PARVG: variants seen among roughly 807,000 people sequenced by gnomAD.
PARVG encodes parvin gamma.
PARVG carries 36 observed loss-of-function variants against 44.4 expected under a neutral mutation model. The ratio of observed to expected loss-of-function variants is 0.81; its 90% CI spans 0.62 to 1.07. The LOEUF (loss-of-function observed/expected upper bound fraction) is 1.07, where lower values mean the gene tolerates loss of function less well. Among genes scored for constraint, PARVG ranks in the 50% least tolerant of loss-of-function variants. The pLI is 0.00. For missense variants in PARVG, 407 were observed against 407.4 expected (o/e 1.00, Z 0.01); for synonymous variants, 170 against 174.1 (o/e 0.98, Z 0.19).
chr22:44,193,751 G>A (rs376999915), intron 8 of PARVG, 50 bp from the exon 9 acceptor site: 38 of 1,603,746 alleles, frequency 2.4e-5, no homozygotes, highest in South Asian at 2.2e-4. Context: ...GTAGGTTTGC[G>A]GGGTGTTTTT....
intron 12 of PARVG, among the ~76,000 whole-genome samples, chr22:44,200,057 G>C (rs1457148053): frequency 6.6e-6 from 1 of 152,160 alleles, no homozygotes; most frequent in Non-Finnish European, 1.5e-5. Flanking sequence ...TCTTCCCCAG[G>C]TACAGCCTTC....
chr22:44,172,983 C>G, exon 1 of PARVG: 2 of 1,289,402 alleles, frequency 1.6e-6, no homozygotes, highest in African/African-American at 1.5e-5. Context: ...TTTAATCTTT[C>G]ATGCATTTAG....
intron 12 of PARVG, among the ~76,000 whole-genome samples, chr22:44,200,423 AAG>A (rs1438426092): frequency 6.6e-6 from 1 of 152,204 alleles, no homozygotes; most frequent in Non-Finnish European, 1.5e-5. Flanking sequence ...GGTAGTAAGA[AAG>A]AGTTTGGAGA....
chr22:44,199,819 G>C (rs956823394), intron 12 of PARVG, among the ~76,000 whole-genome samples: 25 of 152,214 alleles, frequency 1.6e-4, no homozygotes, highest in African/African-American at 6.0e-4. Context: ...GAATGGGTCA[G>C]GGAGGTGTAG....
chr22:44,173,304 C>A, intron 1 of PARVG: 1 of 940,628 alleles, frequency 1.1e-6, no homozygotes, highest in Non-Finnish European at 1.4e-6. Context: ...CCTTACTTTT[C>A]ATGATGTGAC....
At chr22:44,176,448 A>G (rs1321704828), upstream of PARVG, among the ~76,000 whole-genome samples, 2 of 152,178 alleles carry the variant, frequency 1.3e-5, no homozygotes, top group East Asian at 3.8e-4. Context: ...AAATCCATGA[A>G]TGTGCAACCA....
intron 9 of PARVG, 58 bp from the exon 10 acceptor site, chr22:44,196,095 CCT>C (rs1219898965): frequency 1.5e-5 from 24 of 1,598,136 alleles, no homozygotes; most frequent in Non-Finnish European, 2.0e-5. Flanking sequence ...AAAAAAATTC[CCT>C]GTTTGGCACA....
At chr22:44,192,353 G>A (rs974142820) in intron 8 of PARVG, among the ~76,000 whole-genome samples, 6 of 152,214 alleles carry the variant, frequency 3.9e-5, no homozygotes, top group African/African-American at 1.2e-4. Flanking sequence ...CTAGGGTGGG[G>A]GCCCCTGGGT....
At chr22:44,201,086 C>T (rs545336078) in intron 12 of PARVG, among the ~76,000 whole-genome samples, 6 of 152,260 alleles carry the variant, frequency 3.9e-5, no homozygotes, top group Admixed American at 2.6e-4. Flanking sequence ...CTCACATCCA[C>T]GCAGGCTGTG....
intron 3 of PARVG, chr22:44,183,857 G>A: frequency 2.6e-6 from 1 of 384,596 alleles, no homozygotes; most frequent in Non-Finnish European, 4.6e-6. Context: ...TCCCAGAACT[G>A]AGGTTCCACA....
chr22:44,192,623 T>G (rs1569183090), intron 8 of PARVG, among the ~76,000 whole-genome samples: 1 of 119,082 alleles, frequency 8.4e-6, no homozygotes, highest in South Asian at 3.1e-4. Flanking sequence ...CTCTGGGGAG[T>G]GGCCATCCTA....
intron 12 of PARVG, among the ~76,000 whole-genome samples, chr22:44,200,909 T>A (rs777865706): frequency 9.9e-5 from 15 of 152,028 alleles, no homozygotes; most frequent in Admixed American, 6.5e-5. Context: ...CACCCACCCT[T>A]GTGCCTCTCC....
At chr22:44,195,672 C>G (rs1322720150) in intron 9 of PARVG, among the ~76,000 whole-genome samples, 2 of 152,188 alleles carry the variant, frequency 1.3e-5, no homozygotes, top group East Asian at 3.8e-4. Context: ...AGTCCTCACT[C>G]AGCCAATTTA....
At position 44,187,985 on chromosome 22, in the gene PARVG, G is replaced by A. The variant is rs80018274; in HGVS notation, c.247+107G>A. On this transcript the variant is annotated intron_variant, in intron 5 of 13. Transcript: ENST00000444313. ...CTCCTTCAGTCCCCACAATGGTCCC[G>A]GGTTTAGGGACACCTGTCTCACTTT... The A allele has an allele frequency of 9.8e-4, 1,095 of 1,112,608 alleles. 7 individuals are homozygous for A. The African/African-American group carries it at 0.015, about 15-fold the overall frequency. The allele number at this position is 1,112,608 out of a possible 1,614,324, so 68.9% of individuals were successfully genotyped here.
At chr22:44,192,277 C>A in intron 8 of PARVG, 173 bp downstream of exon 8, 1 of 698,958 alleles carries the variant, frequency 1.4e-6, no homozygotes, top group Non-Finnish European at 2.3e-6. Context: ...CGGCAGCACA[C>A]AGGACCCCTT....
intron 5 of PARVG, chr22:44,188,194 C>A: frequency 2.6e-6 from 1 of 382,510 alleles, no homozygotes; most frequent in Non-Finnish European, 4.9e-6. Flanking sequence ...CAAAAGAACC[C>A]ATGATCCCTG....
chr22:44,181,121 GCAA>G lies in PARVG; in HGVS notation c.-248_-246del, dbSNP rs1197767243. On this transcript the variant is annotated 5_prime_UTR_variant, in exon 1 of 14. Coordinates refer to ENST00000444313, the MANE Select transcript of PARVG (RefSeq NM_022141.7). ...CTGGAAAGCCTTCCCGATCCCCTTG[GCAA>G]CAACCACCACCAATATTTATTCACT... The G allele has an allele frequency of 1.2e-5, 6 of 482,244 alleles. No individual in the cohort carries two copies. The highest frequency in any genetic ancestry group is 1.6e-5 in the Non-Finnish European group (6 of 370,072). The allele number at this position is 482,244 out of a possible 1,614,324, so 29.9% of individuals were successfully genotyped here.
chr22:44,185,584 A>G (rs1042376030), intron 3 of PARVG: 1 of 468,150 alleles, frequency 2.1e-6, no homozygotes, highest in Non-Finnish European at 3.9e-6. Context: ...AATGTCAAGT[A>G]ATCAAGAAAT....
chr22:44,206,729 C>T lies in PARVG; in HGVS notation c.*303C>T, dbSNP rs1026817853. On this transcript the variant is annotated 3_prime_UTR_variant, in exon 14 of 14. Coordinates refer to ENST00000444313, the MANE Select transcript of PARVG (RefSeq NM_022141.7). ...TCCCTCCCATGGGGTGAGTGTGTGT[C>T]ACATCAGTCTCTCATCTCTGGGCCC... The T allele has an allele frequency of 2.7e-5, 10 of 373,782 alleles. No individual in the cohort carries two copies. The highest frequency in any genetic ancestry group is 4.5e-5 in the Non-Finnish European group (9 of 201,672). 23.2% of individuals were successfully genotyped at this position (373,782 alleles called of 1,614,324 possible).
Sources: allele counts gnomAD v4.1 joint callset (sites outside exome capture counted in the v4.1 genomes callset), GRCh38; gene constraint gnomAD v4.1.1; transcripts MANE v1.5; gene names NCBI Gene and HGNC (gene_info 2026-07-23, HGNC 2026-07-21).